Variants in MYH11 observed in about 807,000 individuals in gnomAD.
The protein encoded by MYH11 is myosin heavy chain 11, also known as myosin-11.
A neutral mutation model predicts 246.6 loss-of-function variants in MYH11; 80 were observed. That is an observed-to-expected ratio of 0.32 (90% CI 0.27 to 0.39). MYH11 has a LOEUF of 0.39. MYH11 is among the 10% of genes least tolerant of loss of function. The pLI is 1.00. For synonymous variants in MYH11, 1,071 were observed against 1,015.5 expected, an observed-to-expected ratio of 1.05 and a Z score of -1.04; for missense variants, 2,158 against 2,546.8, an observed-to-expected ratio of 0.85 and a Z score of 3.29.
At position 15,756,416 on chromosome 16, in the gene MYH11, G is replaced by A. The variant is rs944590759; in HGVS notation, c.1674C>T (p.Gly558=). The part of the protein sequence containing the change: ...SFVEKLCTEQ[G]SHPKFQKPKQ... Reference sequence around the variant, plus strand: ...TGGGCTTCTGGAACTTGGGGTGGCTGCCCTGCTCCGTGCACAGCTTCTCCA... The same window carrying A: ...TGGGCTTCTGGAACTTGGGGTGGCTACCCTGCTCCGTGCACAGCTTCTCCA... The change falls in exon 14 of 41, where the codon GGC becomes GGT. Residue 558 remains glycine, a synonymous_variant. Transcript: ENST00000300036. The A allele has an allele frequency of 5.6e-6, 9 of 1,614,054 alleles. No individual in the cohort carries two copies. The highest frequency in any genetic ancestry group is 7.6e-6 in the Non-Finnish European group (9 of 1,180,042).
chr16:15,759,511 C>T (rs2041816788), intron 12 of MYH11, 65 bp downstream of exon 12: 1 of 1,609,350 alleles, frequency 6.2e-7, no homozygotes, highest in African/African-American at 1.3e-5. Flanking sequence ...AATCATGACT[C>T]CTCCAAGAAA....
In MYH11 at chr16:15,789,180, G is replaced by A. The variant is rs1044890141; in HGVS notation, c.531-2448C>T. On this transcript the variant is annotated intron_variant, in intron 4 of 40. Coordinates refer to ENST00000300036, the MANE Select transcript of MYH11 (RefSeq NM_002474.3). Reference sequence around the variant, plus strand: ...GGGATACAGTCAGAATGGAAAGTCAGGTCTCTGATTCTAATGCAGTCAGAA... The same window carrying A: ...GGGATACAGTCAGAATGGAAAGTCAAGTCTCTGATTCTAATGCAGTCAGAA... Among the ~76,000 whole-genome samples the A allele has an allele frequency of 1.2e-4, 19 of 152,088 alleles. 1 individual carries two copies. The highest frequency in any genetic ancestry group is 3.9e-4 in the Admixed American group (6 of 15,262).
intron 26 of MYH11, among the ~76,000 whole-genome samples, chr16:15,733,953 G>T (rs2041041876): frequency 6.6e-6 from 1 of 152,124 alleles, no homozygotes; most frequent in South Asian, 2.1e-4. Flanking sequence ...TAAACCCCAG[G>T]GTATATGGTG....
chr16:15,776,333 T>C (rs1222431785), intron 7 of MYH11, among the ~76,000 whole-genome samples, 157 bp from the exon 8 acceptor site: 1 of 151,706 alleles, frequency 6.6e-6, no homozygotes, highest in Non-Finnish European at 1.5e-5. Flanking sequence ...TATGGACAAA[T>C]GGAACCGCTG....
rs578112529 is a variant in MYH11, at chr16:15,719,057, G to A, written c.5171+163C>T. ...GCAGGAGAATTGCTTGAACCTGGGA[G>A]GTGGAGGTTGCAGTGAGCCAAGATT... is the stretch of plus-strand genomic sequence containing the variant. On this transcript the variant is annotated intron_variant, in intron 36 of 40. Coordinates refer to ENST00000300036, the MANE Select transcript of MYH11 (RefSeq NM_002474.3). 1.2e-4 allele frequency: 81 copies of A among 697,082 alleles called. No homozygotes were observed. In the Admixed American group the frequency reaches 1.6e-3, roughly 14 times the overall value. The allele number at this position is 697,082 out of a possible 1,614,324, so 43.2% of individuals were successfully genotyped here. A position where few individuals can be genotyped will look rare whatever the true frequency, so the allele number is the denominator to read the frequency against.
intron 19 of MYH11, 84 bp downstream of exon 19, chr16:15,747,486 C>T: frequency 6.5e-7 from 1 of 1,534,322 alleles, no homozygotes; most frequent in Non-Finnish European, 9.0e-7. Context: ...AACAGGTGGC[C>T]TCTTAGAATC....
intron 8 of MYH11, among the ~76,000 whole-genome samples, chr16:15,772,260 T>C (rs1049613524): frequency 3.3e-4 from 50 of 151,774 alleles, no homozygotes; most frequent in African/African-American, 1.2e-3. Flanking sequence ...CCCGGCTAAA[T>C]TTTGTATTTT....
At position 15,725,818 on chromosome 16, in the gene MYH11, G is replaced by T. The variant is rs2040725985; in HGVS notation, c.3859-826C>A. 2.5e-5 allele frequency: 10 copies of T among 397,632 alleles called. No individual in the cohort carries two copies. In the East Asian group the frequency reaches 3.2e-4, roughly 13 times the overall value. The allele number at this position is 397,632 out of a possible 1,614,324, so 24.6% of individuals were successfully genotyped here. On this transcript the variant is annotated intron_variant, in intron 28 of 40. Transcript: ENST00000300036. ...AGTGAAAGAAGACCAAAGACAAAAAGACCATGTCATTCAGCAGCTTAAAAC... is the reference window on the plus strand; with the variant it reads ...AGTGAAAGAAGACCAAAGACAAAAATACCATGTCATTCAGCAGCTTAAAAC...
chr16:15,720,178 TTCC>T lies in MYH11; in HGVS notation c.4923_4925del (p.Glu1642del). The stretch of plus-strand genomic sequence containing the variant: ...GCAGTTTGCGTAGCTGCTTGATGGC[TTCC>T]TCCCTCCCCTTGATGGCAGAGTCGG... On this transcript the variant is annotated inframe_deletion, in exon 34 of 41. Coordinates refer to ENST00000300036, the MANE Select transcript of MYH11 (RefSeq NM_002474.3). 6.2e-7 allele frequency: 1 copy of T among 1,614,102 alleles called. No individual in the cohort carries two copies. Among genetic ancestry groups the T allele is most frequent in the Non-Finnish European group, 8.5e-7 (1 of 1,180,016 alleles).
intron 15 of MYH11, among the ~76,000 whole-genome samples, chr16:15,751,181 A>T (rs944591327): frequency 1.3e-5 from 2 of 150,390 alleles, no homozygotes; most frequent in Admixed American, 6.7e-5. Flanking sequence ...TTTTATTGAG[A>T]CGGAGTTTCA....
chr16:15,817,778 C>T (rs2043298819), intron 3 of MYH11, among the ~76,000 whole-genome samples: 1 of 152,090 alleles, frequency 6.6e-6, no homozygotes, highest in Non-Finnish European at 1.5e-5. Flanking sequence ...TCCTGCCACA[C>T]TCATCATACC....
intron 1 of MYH11, among the ~76,000 whole-genome samples, chr16:15,843,322 G>T (rs1390024223): frequency 6.6e-6 from 1 of 151,746 alleles, no homozygotes; most frequent in Non-Finnish European, 1.5e-5. Flanking sequence ...AATGAGCCGA[G>T]ATCATGCCAC....
chr16:15,706,631 C>A (rs2039471472), intron 40 of MYH11, among the ~76,000 whole-genome samples: 1 of 151,866 alleles, frequency 6.6e-6, no homozygotes, highest in South Asian at 2.1e-4. Context: ...TGCTTGAACC[C>A]AGGAGGTGAA....
intron 26 of MYH11, among the ~76,000 whole-genome samples, chr16:15,734,491 G>C (rs1373755899): frequency 6.6e-6 from 1 of 152,132 alleles, no homozygotes; most frequent in Non-Finnish European, 1.5e-5. Context: ...GTAGAGACAG[G>C]GTTTCACCAT....
chr16:15,748,353 G>A (rs573631891), intron 16 of MYH11, among the ~76,000 whole-genome samples, 185 bp from the exon 17 acceptor site: 1 of 152,298 alleles, frequency 6.6e-6, no homozygotes, highest in East Asian at 1.9e-4. Flanking sequence ...TCATCTCTTT[G>A]CTTCGGCAAT....
Position 15,798,189 on chromosome 16 carries a change from T to C in MYH11, c.530+471A>G, listed in dbSNP as rs187165114. ...AAATTGAGTTACTATCTTCTGCCTA[T>C]GTACCTAGGTCTTCAAAGAAACAGT... On this transcript the variant is annotated intron_variant, in intron 4 of 40. Coordinates refer to ENST00000300036, the MANE Select transcript of MYH11 (RefSeq NM_002474.3). 3.9e-5 allele frequency among the ~76,000 whole-genome samples: 6 copies of C among 152,344 alleles called. 1 individual carries two copies. In the South Asian group the frequency reaches 8.3e-4, roughly 21 times the overall value.
intron 40 of MYH11, among the ~76,000 whole-genome samples, chr16:15,706,007 C>CAAAAAAAAAAAAAAAAA (rs1555547379): frequency 6.0e-5 from 4 of 66,220 alleles, no homozygotes; most frequent in African/African-American, 3.2e-4. Flanking sequence ...AAAAAAAAAT[C>CAAAAAAAAAAAAAAAAA]AAGGCCCAGA....
rs9935327 is a variant in MYH11, at chr16:15,719,909, C to A, written c.4954-196G>T. ...CACCATTCTGGGTGGGCTCCACAGACCTGCCTGAGAAGCTGAGCCCCTGAT... is the reference window on the plus strand; with the variant it reads ...CACCATTCTGGGTGGGCTCCACAGAACTGCCTGAGAAGCTGAGCCCCTGAT... On this transcript the variant is annotated intron_variant, in intron 34 of 40. Coordinates refer to ENST00000300036, the MANE Select transcript of MYH11 (RefSeq NM_002474.3). Among the ~76,000 whole-genome samples the A allele has an allele frequency of 0.075, 11,462 of 152,210 alleles. 1,057 individuals carry two copies. Among genetic ancestry groups the A allele is most frequent in the African/African-American group, 0.22 (9,111 of 41,494 alleles).
At chr16:15,822,676 C>T (rs1229958001) in intron 3 of MYH11, among the ~76,000 whole-genome samples, 1 of 152,168 alleles carries the variant, frequency 6.6e-6, no homozygotes, top group Non-Finnish European at 1.5e-5. Context: ...GATGGCACCA[C>T]TGCACTTCAG....
Sources: gnomAD v4.1 joint callset for allele counts (sites outside exome capture counted in the v4.1 genomes callset) on GRCh38, gnomAD v4.1.1 for gene constraint, MANE v1.5 for transcripts, NCBI Gene and HGNC (gene_info 2026-07-23, HGNC 2026-07-21) for gene names.